FMN2: variants seen among roughly 807,000 people sequenced by gnomAD.
FMN2 encodes formin-2.
A neutral mutation model predicts 142.3 loss-of-function variants in FMN2; 51 were observed. The observed-to-expected ratio is 0.36, with a 90% CI of 0.29 to 0.45. FMN2 has a LOEUF of 0.45. Among genes scored for constraint, FMN2 ranks in the 20% least tolerant of loss-of-function variants. The pLI, the probability that FMN2 is intolerant of heterozygous loss-of-function variation, is 1.00. For missense variants in FMN2, 1,936 were observed against 2,122.8 expected (o/e 0.91, Z 1.73); for synonymous variants, 882 against 869.8 (o/e 1.01, Z -0.25).
chr1:240,105,007 T>A (rs897995276), intron 1 of FMN2, among the ~76,000 whole-genome samples: 1 of 152,118 alleles, frequency 6.6e-6, no homozygotes, highest in Non-Finnish European at 1.5e-5. Flanking sequence ...GGATATACAT[T>A]TGGAAGTGGA....
At chr1:240,438,311 T>G in intron 16 of FMN2, 101 bp downstream of exon 16, 1 of 1,288,468 alleles carries the variant, frequency 7.8e-7, no homozygotes, top group African/African-American at 1.5e-5. Context: ...AAAAATTAGA[T>G]GGCCCTCAAC....
In FMN2 at chr1:240,146,415, T is replaced by A. The variant is rs1483373992; in HGVS notation, c.1782+23070T>A. Among the ~76,000 whole-genome samples, 69 of 116,818 alleles carry A rather than the reference T, an allele frequency of 5.9e-4. 1 individual carries two copies. Among genetic ancestry groups the A allele is most frequent in the African/African-American group, 1.8e-3 (51 of 28,310 alleles). The allele number at this position is 116,818 out of a possible 152,430, so 76.6% of individuals were successfully genotyped here. On this transcript the variant is annotated intron_variant, in intron 2 of 17. Coordinates refer to ENST00000319653, the MANE Select transcript of FMN2 (RefSeq NM_020066.5). ...TCTCAAAAAAAAAAAAAAAAAAAAA[T>A]AGTATGGCCAGGCACAGTGGCTCAC...
At position 240,092,508 on chromosome 1, in the gene FMN2, C is replaced by A; in HGVS notation, c.399C>A (p.Thr133=). The change falls in exon 1 of 18, where the codon ACC becomes ACA. Residue 133 remains threonine, a synonymous_variant. Coordinates refer to ENST00000319653, the MANE Select transcript of FMN2 (RefSeq NM_020066.5). ...CGGACGAGGCCGGCCTGTCGGATAC[C>A]GAGTGTGCGGACCCTTTTGAGGTGA... The part of the protein sequence containing the change: ...LSADEAGLSD[T]ECADPFEVTG... 6.2e-7 allele frequency: 1 copy of A among 1,607,842 alleles called. No homozygotes were observed. The highest frequency in any genetic ancestry group is 8.5e-7 in the Non-Finnish European group (1 of 1,177,348).
Position 240,092,201 on chromosome 1 carries a change from A to C in FMN2, c.92A>C (p.Asp31Ala), listed in dbSNP as rs745730585. 2 of 1,562,982 alleles carry C rather than the reference A, an allele frequency of 1.3e-6. No homozygotes were observed. The highest frequency in any genetic ancestry group is 1.7e-6 in the Non-Finnish European group (2 of 1,154,158). ...GGAEDALGPR[D>A]VEATKKGSGG... Reference sequence around the variant, plus strand: ...GCCGAGGATGCGCTGGGGCCCAGGGATGTGGAAGCCACAAAGAAGGGGAGC... The same window carrying C: ...GCCGAGGATGCGCTGGGGCCCAGGGCTGTGGAAGCCACAAAGAAGGGGAGC... Residue 31 changes from aspartate to alanine, a missense_variant, in exon 1 of 18, where the codon GAT becomes GCT. Transcript: ENST00000319653.
chr1:240,178,447 CTT>C (rs563401571), intron 3 of FMN2, among the ~76,000 whole-genome samples: 156 of 91,432 alleles, frequency 1.7e-3, no homozygotes, highest in African/African-American at 6.3e-3. Flanking sequence ...TCTTCTTCTT[CTT>C]TTTTTTTTTT....
At position 240,324,677 on chromosome 1, in the gene FMN2, A is replaced by G. The variant is rs1294235243; in HGVS notation, c.4216-4399A>G. 2.9e-5 allele frequency among the ~76,000 whole-genome samples: 4 copies of G among 137,380 alleles called. No individual in the cohort carries two copies. In the East Asian group the frequency reaches 1.0e-3, roughly 35 times the overall value. 90.1% of individuals were successfully genotyped at this position (137,380 alleles called of 152,430 possible). ...GAGTGAGACCCTGTCGAAAGAAGGA[A>G]AGAGAGAGAGAGAGAGAGGGAGGGA... On this transcript the variant is annotated intron_variant, in intron 8 of 17. Coordinates refer to ENST00000319653, the MANE Select transcript of FMN2 (RefSeq NM_020066.5).
At chr1:240,114,006 A>G (rs1463534609) in intron 1 of FMN2, among the ~76,000 whole-genome samples, 1 of 152,186 alleles carries the variant, frequency 6.6e-6, no homozygotes, top group Non-Finnish European at 1.5e-5. Flanking sequence ...TTTTATTGTG[A>G]AAGTGGAATA....
At chr1:240,210,047 A>C (rs2103400069) in intron 5 of FMN2, among the ~76,000 whole-genome samples, 1 of 152,306 alleles carries the variant, frequency 6.6e-6, no homozygotes, top group South Asian at 2.1e-4. Flanking sequence ...TAGTTTTGAA[A>C]ATTTCATGGC....
intron 2 of FMN2, chr1:240,142,659 G>A: frequency 6.2e-7 from 1 of 1,603,538 alleles, no homozygotes; most frequent in Non-Finnish European, 8.5e-7. Flanking sequence ...AGAGCCCCTG[G>A]TGGTCACTTA....
chr1:240,330,983 A>T (rs137899457), intron 11 of FMN2, among the ~76,000 whole-genome samples: 1 of 152,322 alleles, frequency 6.6e-6, no homozygotes, highest in East Asian at 1.9e-4. Context: ...CAACTTTTTA[A>T]TATAAAAACA....
At chr1:240,206,758 T>TTATTTCA in intron 4 of FMN2, 41 bp from the exon 5 acceptor site, 1 of 1,557,498 alleles carries the variant, frequency 6.4e-7, no homozygotes, top group Middle Eastern at 1.7e-4. Context: ...GCATTTTTCC[T>TTATTTCA]TATTTCATAA....
At position 240,178,007 on chromosome 1, in the gene FMN2, A is replaced by G. The variant is rs147945249; in HGVS notation, c.1869A>G (p.Pro623=). 145 of 1,612,606 alleles carry G rather than the reference A, an allele frequency of 9.0e-5. 2 individuals are homozygous for G. The African/African-American group carries it at 1.6e-3, about 18-fold the overall frequency. ...AAGGGCAGTTTCCTAGGCGAGTTCC[A>G]TCCATGGGGCCACCATCCAAACCTC... ...YSEGQFPRRV[P]SMGPPSKPPD... Residue 623 remains proline, a synonymous_variant, in exon 3 of 18, where the codon CCA becomes CCG. Coordinates refer to ENST00000319653, the MANE Select transcript of FMN2 (RefSeq NM_020066.5).
chr1:240,430,753 A>C (rs1360049713), intron 15 of FMN2, among the ~76,000 whole-genome samples: 2 of 151,146 alleles, frequency 1.3e-5, no homozygotes, highest in Admixed American at 1.3e-4. Flanking sequence ...CCCGCATTGA[A>C]TTGGCTCGCC....
At chr1:240,165,365 G>A (rs886826817) in intron 2 of FMN2, among the ~76,000 whole-genome samples, 4 of 151,968 alleles carry the variant, frequency 2.6e-5, no homozygotes, top group African/African-American at 9.7e-5. Context: ...TTGTAGGGAC[G>A]GGGTCTCTCT....
chr1:240,181,837 G>A (rs184202117), intron 3 of FMN2, among the ~76,000 whole-genome samples: 3 of 152,046 alleles, frequency 2.0e-5, no homozygotes, highest in African/African-American at 7.2e-5. Flanking sequence ...GTTTCCCTTG[G>A]CTATACACAG....
chr1:240,455,361 AT>A (rs1676204880), intron 16 of FMN2, among the ~76,000 whole-genome samples: 1 of 152,180 alleles, frequency 6.6e-6, no homozygotes, highest in African/African-American at 2.4e-5. Context: ...AAAAAATAAA[AT>A]AAAAAGTTAG....
At chr1:240,437,534 C>T (rs993261995) in intron 15 of FMN2, among the ~76,000 whole-genome samples, 1 of 152,004 alleles carries the variant, frequency 6.6e-6, no homozygotes, top group Non-Finnish European at 1.5e-5. Context: ...GATCTCCTGA[C>T]CTCGTGATCC....
intron 2 of FMN2, among the ~76,000 whole-genome samples, chr1:240,137,118 G>A: frequency 6.7e-6 from 1 of 150,148 alleles, no homozygotes; most frequent in Non-Finnish European, 1.5e-5. Flanking sequence ...GCAAAGTGAA[G>A]GACCCTGTAC....
chr1:240,123,450 A>T lies in FMN2; in HGVS notation c.1782+105A>T, dbSNP rs376152306. 258 of 1,175,268 alleles carry T rather than the reference A, an allele frequency of 2.2e-4. 5 individuals are homozygous for T. In the South Asian group the frequency reaches 3.8e-3, roughly 17 times the overall value. 72.8% of individuals were successfully genotyped at this position (1,175,268 alleles called of 1,614,324 possible). A position where few individuals can be genotyped will look rare whatever the true frequency, so the allele number is the denominator to read the frequency against. ...CCCTATAATTTAAAAACAACATGTG[A>T]TTCAAGCATTTTTTTTCCTTAGCTG... On this transcript the variant is annotated intron_variant, in intron 2 of 17. Coordinates refer to ENST00000319653, the MANE Select transcript of FMN2 (RefSeq NM_020066.5).
Sources: gnomAD v4.1 joint callset for allele counts (sites outside exome capture counted in the v4.1 genomes callset) on GRCh38, gnomAD v4.1.1 for gene constraint, MANE v1.5 for transcripts, NCBI Gene and HGNC (gene_info 2026-07-23, HGNC 2026-07-21) for gene names.